FBXO46: variants seen among roughly 807,000 people sequenced by gnomAD.
FBXO46 encodes F-box only protein 46.
In FBXO46, 13 loss-of-function variants were observed where a neutral mutation model predicts 30.7. The ratio of observed to expected loss-of-function variants is 0.42; its 90% CI spans 0.28 to 0.67. The LOEUF (loss-of-function observed/expected upper bound fraction) is 0.67, where lower values mean the gene tolerates loss of function less well. Ranked by LOEUF, FBXO46 falls within the 30% of genes least tolerant of loss-of-function variation. The pLI is 0.21. For missense variants in FBXO46, 754 were observed against 871.5 expected (o/e 0.87, Z 1.70); for synonymous variants, 467 against 385.8 (o/e 1.21, Z -2.47).
chr19:45,728,831 C>A (rs972798088), intron 1 of FBXO46, among the ~76,000 whole-genome samples: 7 of 152,170 alleles, frequency 4.6e-5, no homozygotes, highest in East Asian at 1.9e-4. Context: ...CAGAGCGAGA[C>A]CCTGTCTTTA....
upstream of FBXO46, chr19:45,733,112 GCT>G (rs763655072): frequency 2.5e-4 from 38 of 152,060 alleles, no homozygotes; most frequent in Non-Finnish European, 4.7e-4. The surrounding 1 kb of genome is among the most constrained non-coding windows in gnomAD (Gnocchi z 5.7). Context: ...AGGCGAGCTC[GCT>G]CTCTCTCTCT....
intron 1 of FBXO46, among the ~76,000 whole-genome samples, chr19:45,730,157 A>C (rs1968290462): frequency 6.6e-6 from 1 of 152,064 alleles, no homozygotes; most frequent in Admixed American, 6.6e-5. Flanking sequence ...TCTCATAGGG[A>C]TAAACCATTA....
rs138545162 is a variant in FBXO46, at chr19:45,711,442, T to TA, written c.*241dup. 42,958 of 531,034 alleles carry TA rather than the reference T, an allele frequency of 0.081. 49 individuals carry two copies. Among genetic ancestry groups the TA allele is most frequent in the Admixed American group, 0.099 (3,806 of 38,626 alleles). The allele number at this position is 531,034 out of a possible 1,614,324, so 32.9% of individuals were successfully genotyped here. A position where few individuals can be genotyped will look rare whatever the true frequency, so the allele number is the denominator to read the frequency against. ...AATGGAGAAGAAAGTGAGATGCTGA[T>TA]AAAAAAAAAAAAAACACCCTTCTCA... On this transcript the variant is annotated 3_prime_UTR_variant, in exon 2 of 2. Transcript: ENST00000317683.
intron 1 of FBXO46, among the ~76,000 whole-genome samples, chr19:45,729,365 A>C (rs1390149004): frequency 1.3e-5 from 2 of 152,238 alleles, no homozygotes; most frequent in Non-Finnish European, 2.9e-5. Flanking sequence ...CGGGAGGCAG[A>C]GGCTACAGTT....
Position 45,713,875 on chromosome 19 carries a change from CG to C in FBXO46, c.-78-303del, listed in dbSNP as rs1439601604. Among the ~76,000 whole-genome samples the C allele has an allele frequency of 6.8e-6, 1 of 147,338 alleles. No individual in the cohort carries two copies. Among genetic ancestry groups the C allele is most frequent in the Non-Finnish European group, 1.5e-5 (1 of 67,542 alleles). The stretch of plus-strand genomic sequence containing the variant: ...CCAAGCTACTTGGGAGGCTGAGGCA[CG>C]AGAATCGCTTGAACCTGGGAGGTGG... On this transcript the variant is annotated intron_variant, in intron 1 of 1. Coordinates refer to ENST00000317683, the MANE Select transcript of FBXO46 (RefSeq NM_001080469.2). The surrounding 1 kb of genome is among the most constrained non-coding windows in gnomAD (Gnocchi z 4.7).
chr19:45,711,708 C>A lies in FBXO46; in HGVS notation c.1788G>T (p.Arg596=). The change falls in exon 2 of 2, where the codon CGG becomes CGT. Residue 596 remains arginine (R), a synonymous_variant. Transcript: ENST00000317683. ...TTCACCTCCCCTCCTCCCGGCCGGC[C>A]CGGCCCCCGCCTGGCCCATTGCAGG... ...VLPCNGPGGG[R]AGREEGR 6.6e-7 allele frequency: 1 copy of A among 1,512,934 alleles called. No homozygotes were observed. The highest frequency in any genetic ancestry group is 1.2e-5 in the South Asian group (1 of 83,818). 93.7% of individuals were successfully genotyped at this position (1,512,934 alleles called of 1,614,324 possible).
Position 45,712,047 on chromosome 19 carries a change from C to A in FBXO46, c.1449G>T (p.Lys483Asn), listed in dbSNP as rs751795632. 1.2e-6 allele frequency: 2 copies of A among 1,612,192 alleles called. No individual in the cohort carries two copies. The highest frequency in any genetic ancestry group is 1.7e-6 in the Non-Finnish European group (2 of 1,179,454). The change falls in exon 2 of 2, where the codon AAG becomes AAT. Residue 483 changes from lysine to asparagine, a missense_variant. By Grantham distance (94) the Lys-to-Asn change is moderately conservative. Coordinates refer to ENST00000317683, the MANE Select transcript of FBXO46 (RefSeq NM_001080469.2). This position sits in a 1 kb window ranked among gnomAD's most constrained non-coding sequence, Gnocchi z 8.8. ...MLLLPEHVLV[K>N]IFSFLPTRAL... ...CGCGCGTGGGCAGGAAGCTGAAGATCTTGACCAGCACGTGCTCGGGCAGCA... is the reference window on the plus strand; with the variant it reads ...CGCGCGTGGGCAGGAAGCTGAAGATATTGACCAGCACGTGCTCGGGCAGCA...
In FBXO46 at chr19:45,712,655, C is replaced by A. The variant is rs370941476; in HGVS notation, c.841G>T (p.Gly281Trp). The change falls in exon 2 of 2, where the codon GGG becomes TGG. Residue 281 changes from glycine (G) to tryptophan (W), a missense_variant. Gly to Trp is a radical substitution (Grantham distance 184). Transcript: ENST00000317683. This position sits in a 1 kb window ranked among gnomAD's most constrained non-coding sequence, Gnocchi z 8.8. ...PRAPDSGLPS[G>W]GGGRPGCAYP... is the part of the protein sequence containing the mutation. ...GCACAACCAGGCCTGCCCCCGCCCC[C>A]ACTGGGCAGGCCGCTGTCTGGTGCA... is the stretch of plus-strand genomic sequence containing the variant. The A allele has an allele frequency of 2.5e-6, 4 of 1,611,024 alleles. No individual in the cohort carries two copies. The highest frequency in any genetic ancestry group is 2.5e-6 in the Non-Finnish European group (3 of 1,178,586).
Position 45,713,241 on chromosome 19 carries a change from G to T in FBXO46, c.255C>A (p.Leu85=). 2.5e-6 allele frequency: 4 copies of T among 1,613,950 alleles called. No homozygotes were observed. The highest frequency in any genetic ancestry group is 3.4e-6 in the Non-Finnish European group (4 of 1,179,868). The change falls in exon 2 of 2, where the codon CTC becomes CTA. Residue 85 remains leucine (L), a synonymous_variant. Transcript: ENST00000317683. This position sits in a 1 kb window ranked among gnomAD's most constrained non-coding sequence, Gnocchi z 4.7. ...AAAAGDEGRV[L]LDTWYVIKPG... ...GCTTGATGACATACCACGTGTCCAG[G>T]AGGACTCGACCCTCATCACCAGCAG...
chr19:45,717,123 C>T (rs1171941086), intron 1 of FBXO46: 1 of 152,190 alleles, frequency 6.6e-6, no homozygotes, highest in Non-Finnish European at 1.5e-5. Context: ...TCCCCTAAAC[C>T]CACGTTAAAA....
intron 1 of FBXO46, chr19:45,717,007 C>CAAAACACAAAGGGAACCCGATCCCG (rs1568547067): frequency 2.6e-5 from 4 of 152,190 alleles, no homozygotes; most frequent in Non-Finnish European, 5.9e-5. Flanking sequence ...ACAAACACTC[C>CAAAACACAAAGGGAACCCGATCCCG]AAAACACAAA....
Position 45,712,950 on chromosome 19 carries a change from C to T in FBXO46, c.546G>A (p.Arg182=), listed in dbSNP as rs759689203. 8.2e-6 allele frequency: 13 copies of T among 1,592,032 alleles called. No individual in the cohort carries two copies. Among genetic ancestry groups the T allele is most frequent in the South Asian group, 1.1e-5 (1 of 88,904 alleles). The part of the protein sequence containing the change: ...VAEMVALVEQ[R]AALALQSYPR... The stretch of plus-strand genomic sequence containing the variant: ...GGTAGCTCTGCAGGGCCAGGGCTGC[C>T]CGCTGTTCCACCAGGGCCACCATCT... Residue 182 remains arginine (R), a synonymous_variant, in exon 2 of 2, where the codon CGG becomes CGA. Coordinates refer to ENST00000317683, the MANE Select transcript of FBXO46 (RefSeq NM_001080469.2). The surrounding 1 kb of genome is among the most constrained non-coding windows in gnomAD (Gnocchi z 8.8).
At chr19:45,717,177 C>T (rs990212972) in intron 1 of FBXO46, 1 of 151,648 alleles carries the variant, frequency 6.6e-6, no homozygotes, top group African/African-American at 2.4e-5. Flanking sequence ...AAAGGAACCC[C>T]CAAATCTTGT....
rs1399936693 is a variant in FBXO46 at position 45,711,253 on chromosome 19, C to T, written c.*431G>A. The T allele has an allele frequency of 4.7e-6, 2 of 426,126 alleles. No individual in the cohort carries two copies. Among genetic ancestry groups the T allele is most frequent in the Non-Finnish European group, 9.1e-6 (2 of 219,538 alleles). 26.4% of individuals were successfully genotyped at this position (426,126 alleles called of 1,614,324 possible). On this transcript the variant is annotated 3_prime_UTR_variant, in exon 2 of 2. Coordinates refer to ENST00000317683, the MANE Select transcript of FBXO46 (RefSeq NM_001080469.2). ...GGAGAGGTGCCAACCTTGGGCGATGCGGCTTCTTGGGAAATAACAGCTCCA... is the reference window on the plus strand; with the variant it reads ...GGAGAGGTGCCAACCTTGGGCGATGTGGCTTCTTGGGAAATAACAGCTCCA...
chr19:45,711,592 G>GGAAT lies in FBXO46; in HGVS notation c.*88_*91dup, dbSNP rs1484149390. ...AGGGATCAATGCTGCCTGGAGTAGGGGAATGGGCAGGCGGCCCAGTCCGGA... is the reference window on the plus strand; with the variant it reads ...AGGGATCAATGCTGCCTGGAGTAGGGGAATGAATGGGCAGGCGGCCCAGTCCGGA... On this transcript the variant is annotated 3_prime_UTR_variant, in exon 2 of 2. Transcript: ENST00000317683. 1.0e-6 allele frequency: 1 copy of GGAAT among 977,490 alleles called. No homozygotes were observed. Among genetic ancestry groups the GGAAT allele is most frequent in the African/African-American group, 1.6e-5 (1 of 62,306 alleles). 60.6% of individuals were successfully genotyped at this position (977,490 alleles called of 1,614,324 possible). A position where few individuals can be genotyped will look rare whatever the true frequency, so the allele number is the denominator to read the frequency against.
At chr19:45,731,548 C>T (rs1968312489), upstream of FBXO46, among the ~76,000 whole-genome samples, 1 of 151,758 alleles carries the variant, frequency 6.6e-6, no homozygotes, top group Non-Finnish European at 1.5e-5. Flanking sequence ...AACTCCTGAC[C>T]TCATGATCCA....
At position 45,711,655 on chromosome 19, in the gene FBXO46, G is replaced by A. The variant is rs546592728; in HGVS notation, c.*29C>T. On this transcript the variant is annotated 3_prime_UTR_variant, in exon 2 of 2. Coordinates refer to ENST00000317683, the MANE Select transcript of FBXO46 (RefSeq NM_001080469.2). ...GGGGGGAGAGGGGAGGGGTGGGCGT[G>A]GTGGGCTCTCCCCTCCCCTCCCCCG... 2.0e-6 allele frequency: 3 copies of A among 1,496,274 alleles called. No homozygotes were observed. Among genetic ancestry groups the A allele is most frequent in the East Asian group, 4.9e-5 (2 of 40,584 alleles). 92.7% of individuals were successfully genotyped at this position (1,496,274 alleles called of 1,614,324 possible). A position where few individuals can be genotyped will look rare whatever the true frequency, so the allele number is the denominator to read the frequency against.
At chr19:45,719,045 C>T (rs1399170717) in intron 1 of FBXO46, among the ~76,000 whole-genome samples, 3 of 151,344 alleles carry the variant, frequency 2.0e-5, no homozygotes, top group African/African-American at 7.3e-5. Flanking sequence ...GCTCAGGAGT[C>T]TGCGACCAGC....
intron 1 of FBXO46, among the ~76,000 whole-genome samples, chr19:45,723,242 A>C (rs1191257701): frequency 2.0e-5 from 3 of 152,000 alleles, no homozygotes; most frequent in Non-Finnish European, 4.4e-5. Context: ...GCATGGTGGC[A>C]TGAGCCTGTA....
Sources: gnomAD v4.1 joint callset for allele counts (sites outside exome capture counted in the v4.1 genomes callset) on GRCh38, gnomAD v4.1.1 for gene constraint, Gnocchi (gnomAD v3.1) non-coding constraint, MANE v1.5 for transcripts, NCBI Gene and HGNC (gene_info 2026-07-23, HGNC 2026-07-21) for gene names.